TOX2: variants seen among roughly 807,000 people sequenced by gnomAD.
TOX2 encodes TOX high mobility group box family member 2.
A neutral mutation model predicts 47.4 loss-of-function variants in TOX2; 15 were observed. The ratio of observed to expected loss-of-function variants is 0.32; its 90% CI spans 0.21 to 0.49. The LOEUF (loss-of-function observed/expected upper bound fraction) is 0.49, where lower values mean the gene tolerates loss of function less well. Ranked by LOEUF, TOX2 falls within the 20% of genes least tolerant of loss-of-function variation. The probability of loss-of-function intolerance (pLI) is 0.99; values close to 1 mark genes in which losing one functional copy is unlikely to be tolerated. For missense variants in TOX2, 622 were observed against 673.1 expected, an observed-to-expected ratio of 0.92 and a Z score of 0.84; for synonymous variants, 290 against 296.6, an observed-to-expected ratio of 0.98 and a Z score of 0.23.
intron 3 of TOX2, among the ~76,000 whole-genome samples, chr20:44,032,517 G>A (rs944955066): frequency 6.6e-6 from 1 of 152,200 alleles, no homozygotes; most frequent in Non-Finnish European, 1.5e-5. Flanking sequence ...ATGTGATGGA[G>A]AGGGGTGATG....
At chr20:43,945,651 G>A (rs1407669661) in intron 1 of TOX2, 2 of 439,842 alleles carry the variant, frequency 4.5e-6, no homozygotes, top group South Asian at 2.1e-5. Context: ...GAGCCGCGCT[G>A]TACTTAGGGG....
intron 7 of TOX2, 37 bp downstream of exon 7, chr20:44,066,144 G>T: frequency 6.7e-7 from 1 of 1,490,442 alleles, no homozygotes; most frequent in Non-Finnish European, 8.9e-7. Flanking sequence ...TTCTGTGACC[G>T]TGTGGGGAGG....
At chr20:43,922,960 G>A (rs1439502386) in intron 1 of TOX2, among the ~76,000 whole-genome samples, 1 of 152,172 alleles carries the variant, frequency 6.6e-6, no homozygotes, top group Admixed American at 6.5e-5. Context: ...AAAATGCAGA[G>A]TAATAATTAA....
At chr20:43,947,095 A>T (rs1461803414) in intron 1 of TOX2, among the ~76,000 whole-genome samples, 1 of 152,216 alleles carries the variant, frequency 6.6e-6, no homozygotes, top group Non-Finnish European at 1.5e-5. Context: ...CAGTGGGCCC[A>T]GGTCTGCAAG....
At chr20:43,986,891 C>T (rs1003203543) in intron 2 of TOX2, among the ~76,000 whole-genome samples, 1 of 151,914 alleles carries the variant, frequency 6.6e-6, no homozygotes. Flanking sequence ...TTTAGTGAGA[C>T]CCCTGTTTTA....
At chr20:43,937,745 G>C (rs2069345687) in intron 1 of TOX2, among the ~76,000 whole-genome samples, 1 of 152,148 alleles carries the variant, frequency 6.6e-6, no homozygotes, top group African/African-American at 2.4e-5. Context: ...GCAGCATCGA[G>C]TCCCCATGCG....
chr20:44,060,144 G>C (rs2071691946), intron 5 of TOX2, among the ~76,000 whole-genome samples: 1 of 152,118 alleles, frequency 6.6e-6, no homozygotes, highest in African/African-American at 2.4e-5. Flanking sequence ...AGCAACGGCA[G>C]TTGAAAAAGA....
At chr20:43,975,854 T>C (rs2070068748) in intron 2 of TOX2, among the ~76,000 whole-genome samples, 1 of 152,060 alleles carries the variant, frequency 6.6e-6, no homozygotes, top group Non-Finnish European at 1.5e-5. Flanking sequence ...GGGCATAGTG[T>C]CTGGAACACC....
At chr20:43,956,785 A>G (rs1454523657) in intron 1 of TOX2, among the ~76,000 whole-genome samples, 1 of 152,138 alleles carries the variant, frequency 6.6e-6, no homozygotes, top group Non-Finnish European at 1.5e-5. Flanking sequence ...GTTGCATTGC[A>G]GTAAGTTTAT....
intron 1 of TOX2, among the ~76,000 whole-genome samples, chr20:43,957,169 G>A (rs1226580550): frequency 6.6e-6 from 1 of 152,186 alleles, no homozygotes; most frequent in Non-Finnish European, 1.5e-5. Flanking sequence ...TTTTCTGATT[G>A]TTTCCCTGTA....
At position 43,916,231 on chromosome 20, in the gene TOX2, G is replaced by C; in HGVS notation, c.99+1241G>C. The C allele has an allele frequency of 2.0e-6, 2 of 985,564 alleles. No individual in the cohort carries two copies. Among genetic ancestry groups the C allele is most frequent in the Non-Finnish European group, 2.4e-6 (2 of 830,044 alleles). The allele number at this position is 985,564 out of a possible 1,614,324, so 61.1% of individuals were successfully genotyped here. The stretch of plus-strand genomic sequence containing the variant: ...GGGGTGAGTGCGCGTCCAGTGGCTG[G>C]ATCGGCGCCCCCCAGGGTCTCTCCC... On this transcript the variant is annotated intron_variant, in intron 1 of 8. Transcript: ENST00000341197. The surrounding 1 kb of genome is among the most constrained non-coding windows in gnomAD (Gnocchi z 5.0).
intron 3 of TOX2, among the ~76,000 whole-genome samples, chr20:44,011,373 G>C (rs1330473518): frequency 1.3e-5 from 2 of 152,192 alleles, no homozygotes; most frequent in African/African-American, 4.8e-5. Flanking sequence ...GGTGCAGATG[G>C]AGAGAAGGTG....
At chr20:43,951,984 C>A (rs764907459) in intron 1 of TOX2, among the ~76,000 whole-genome samples, 12 of 151,898 alleles carry the variant, frequency 7.9e-5, no homozygotes, top group African/African-American at 2.9e-4. Flanking sequence ...GCAACCTCCA[C>A]CTCCTGGGTT....
rs931235801 is a variant in TOX2, at chr20:43,916,509, T to C, written c.99+1519T>C. On this transcript the variant is annotated intron_variant, in intron 1 of 8. Coordinates refer to ENST00000341197, the MANE Select transcript of TOX2 (RefSeq NM_001098797.2). This position sits in a 1 kb window ranked among gnomAD's most constrained non-coding sequence, Gnocchi z 5.0. ...CGCGAAGAGTGGCGGTGGTTCTCTTTTGTCCAGTGACCTGCAAAGTTAGAA... is the reference window on the plus strand; with the variant it reads ...CGCGAAGAGTGGCGGTGGTTCTCTTCTGTCCAGTGACCTGCAAAGTTAGAA... Among the ~76,000 whole-genome samples, 3 of 152,148 alleles carry C rather than the reference T, an allele frequency of 2.0e-5. No individual in the cohort carries two copies. Among genetic ancestry groups the C allele is most frequent in the Admixed American group, 6.5e-5 (1 of 15,272 alleles).
intron 1 of TOX2, among the ~76,000 whole-genome samples, chr20:43,963,646 C>T (rs1264556298): frequency 2.0e-5 from 3 of 152,118 alleles, no homozygotes; most frequent in East Asian, 3.8e-4. Context: ...TACGAATGTG[C>T]GTTGTGCCCA....
chr20:43,943,815 C>A (rs753762183), intron 1 of TOX2, among the ~76,000 whole-genome samples: 2 of 152,080 alleles, frequency 1.3e-5, no homozygotes, highest in Non-Finnish European at 1.5e-5. Context: ...TCAACAAATG[C>A]CCATCATTTT....
At chr20:43,970,193 C>T (rs2069939930) in intron 1 of TOX2, among the ~76,000 whole-genome samples, 1 of 152,216 alleles carries the variant, frequency 6.6e-6, no homozygotes. Flanking sequence ...TAAATCCCAT[C>T]TCTCCCCAGC....
At chr20:43,998,173 G>A (rs1022795084) in intron 2 of TOX2, among the ~76,000 whole-genome samples, 1 of 152,166 alleles carries the variant, frequency 6.6e-6, no homozygotes, top group Non-Finnish European at 1.5e-5. Flanking sequence ...CAAACAACCC[G>A]ATCTTGTGAG....
intron 7 of TOX2, 152 bp downstream of exon 7, chr20:44,066,259 G>T (rs2071820576): frequency 2.3e-6 from 2 of 868,060 alleles, no homozygotes; most frequent in South Asian, 3.8e-5. Flanking sequence ...CATCTAGGAA[G>T]TGGGTCTCGC....
Sources: gnomAD v4.1 joint callset for allele counts (sites outside exome capture counted in the v4.1 genomes callset) on GRCh38, gnomAD v4.1.1 for gene constraint, Gnocchi (gnomAD v3.1) non-coding constraint, MANE v1.5 for transcripts, NCBI Gene and HGNC (gene_info 2026-07-23, HGNC 2026-07-21) for gene names.